AHR: variants seen among roughly 807,000 people sequenced by gnomAD.
AHR encodes the protein aryl hydrocarbon receptor.
AHR carries 40 observed loss-of-function variants against 86.8 expected under a neutral mutation model. The ratio of observed to expected loss-of-function variants is 0.46; its 90% CI spans 0.36 to 0.60. AHR has a LOEUF of 0.60. Among genes scored for constraint, AHR ranks in the 20% least tolerant of loss-of-function variants. The pLI is 0.00. For missense variants in AHR, 1,001 were observed against 1,011.6 expected, an observed-to-expected ratio of 0.99 and a Z score of 0.14; for synonymous variants, 398 against 354.9, an observed-to-expected ratio of 1.12 and a Z score of -1.37.
intron 2 of AHR, among the ~76,000 whole-genome samples, chr7:17,311,005 T>A (rs1305961237): frequency 6.6e-6 from 1 of 152,170 alleles, no homozygotes; most frequent in Non-Finnish European, 1.5e-5. Flanking sequence ...CATCCCCGTA[T>A]CTCAGTTTTC....
At chr7:17,300,198 A>G (rs921041582) in intron 1 of AHR, among the ~76,000 whole-genome samples, 3 of 152,064 alleles carry the variant, frequency 2.0e-5, no homozygotes, top group African/African-American at 4.8e-5. Flanking sequence ...GAGATGGCCA[A>G]TTTTTTGTGT....
rs1782327699 is a variant in AHR at position 17,333,917 on chromosome 7, G to A, written c.711G>A (p.Met237Ile). 1.2e-6 allele frequency: 2 copies of A among 1,612,164 alleles called. No individual in the cohort carries two copies. Among genetic ancestry groups the A allele is most frequent in the African/African-American group, 1.3e-5 (1 of 74,966 alleles). Residue 237 changes from methionine to isoleucine, a missense_variant, in exon 7 of 11, where the codon ATG becomes ATA. Met to Ile is a conservative substitution (Grantham distance 10). This residue lies in a region of AHR where 394 missense variants were observed against 468.5 expected (regional missense o/e 0.84). Transcript: ENST00000242057. ...GTTGTTGTTGCTTTTTTAAGGCAAT[G>A]AATTTCCAAGGGAAGTTAAAGTATC... Reference protein sequence around the residue: ...LLDNSSGFLAMNFQGKLKYLH... With the variant: ...LLDNSSGFLAINFQGKLKYLH...
intron 1 of AHR, among the ~76,000 whole-genome samples, chr7:17,307,139 G>A (rs1281274833): frequency 2.6e-5 from 4 of 152,062 alleles, no homozygotes; most frequent in African/African-American, 9.7e-5. Context: ...GCCAGCACAA[G>A]ACAGGCAGCA....
In AHR at chr7:17,339,993, G is replaced by A; in HGVS notation, c.2168G>A (p.Ser723Asn). 1 of 1,614,176 alleles carries A rather than the reference G, an allele frequency of 6.2e-7. No individual in the cohort carries two copies. Among genetic ancestry groups the A allele is most frequent in the South Asian group, 1.1e-5 (1 of 91,082 alleles). ...ACAGAGCTGGACTACCCTATGGGGA[G>A]TTTTGAACCATCCCCATACCCCACT... ...KCTELDYPMG[S>N]FEPSPYPTTS... Residue 723 changes from serine to asparagine, a missense_variant, in exon 10 of 11, where the codon AGT becomes AAT. Around this residue, in one of 2 missense-constraint regions of AHR, gnomAD observed 607 missense variants for 543.1 expected, o/e 1.12. Transcript: ENST00000242057.
chr7:17,317,833 C>G (rs1000673807), intron 2 of AHR, among the ~76,000 whole-genome samples: 3 of 152,076 alleles, frequency 2.0e-5, no homozygotes, highest in Admixed American at 6.6e-5. Context: ...AAATACTACT[C>G]TTGTATATAT....
At chr7:17,337,052 T>C (rs1562481714) in intron 9 of AHR, among the ~76,000 whole-genome samples, 1 of 152,150 alleles carries the variant, frequency 6.6e-6, no homozygotes, top group Non-Finnish European at 1.5e-5. Flanking sequence ...CTTATTTTTA[T>C]TATTTAATTG....
intron 2 of AHR, among the ~76,000 whole-genome samples, chr7:17,314,551 A>G (rs1011132113): frequency 1.3e-5 from 2 of 152,020 alleles, no homozygotes; most frequent in African/African-American, 4.8e-5. Flanking sequence ...AGGTTTTCCA[A>G]AGAGAGCTAT....
Position 17,339,813 on chromosome 7 carries a change from A to C in AHR, c.1988A>C (p.Asn663Thr), listed in dbSNP as rs114489761. 2.5e-6 allele frequency: 4 copies of C among 1,614,204 alleles called. No individual in the cohort carries two copies. Among genetic ancestry groups the C allele is most frequent in the Non-Finnish European group, 3.4e-6 (4 of 1,180,034 alleles). Reference sequence around the variant, plus strand: ...AACTCTAACCAATTCGTGCCTTTCAATTGTCCACAGCAAGACCCACAACAA... The same window carrying C: ...AACTCTAACCAATTCGTGCCTTTCACTTGTCCACAGCAAGACCCACAACAA... ...NWNSNQFVPF[N>T]CPQQDPQQYN... Residue 663 changes from asparagine to threonine, a missense_variant, in exon 10 of 11, where the codon AAT (asparagine) becomes ACT (threonine). Asn to Thr is a moderately conservative substitution (Grantham distance 65, BLOSUM62 0). Around this residue, in one of 2 missense-constraint regions of AHR, gnomAD observed 607 missense variants for 543.1 expected, o/e 1.12. Transcript: ENST00000242057.
intron 9 of AHR, among the ~76,000 whole-genome samples, chr7:17,336,903 G>C (rs1197823613): frequency 2.6e-5 from 4 of 151,634 alleles, no homozygotes; most frequent in African/African-American, 9.7e-5. Context: ...TTTTAATTAT[G>C]TCTGCTCATT....
Position 17,335,642 on chromosome 7 carries a change from T to C in AHR, c.1019-3T>C. ...ATAATTTAATTTTTTAATTTTATTT[T>C]AGTGATTAAGACTGGAGAAAGTGGC... On this transcript the variant is annotated splice_region_variant and splice_polypyrimidine_tract_variant and intron_variant, in intron 8 of 10. Transcript: ENST00000242057. 1.9e-6 allele frequency: 3 copies of C among 1,542,234 alleles called. No homozygotes were observed. Among genetic ancestry groups the C allele is most frequent in the Non-Finnish European group, 2.6e-6 (3 of 1,144,350 alleles).
intron 1 of AHR, 93 bp downstream of exon 1, chr7:17,299,422 A>G: frequency 7.1e-7 from 1 of 1,404,146 alleles, no homozygotes; most frequent in Non-Finnish European, 9.8e-7. Context: ...AATCCCTGCG[A>G]TCCTGGGATT....
intron 9 of AHR, chr7:17,336,083 A>C: frequency 4.3e-6 from 1 of 232,080 alleles, no homozygotes; most frequent in Non-Finnish European, 8.2e-6. Flanking sequence ...AAATATAACA[A>C]TGCTTTATTT....
chr7:17,300,361 G>A (rs921354572), intron 1 of AHR, among the ~76,000 whole-genome samples: 6 of 152,116 alleles, frequency 3.9e-5, no homozygotes, highest in African/African-American at 1.4e-4. Context: ...ACTCTTAAAC[G>A]TCTTCTCAGA....
chr7:17,336,309 T>G (rs371760366), intron 9 of AHR, among the ~76,000 whole-genome samples: 1 of 152,126 alleles, frequency 6.6e-6, no homozygotes, highest in East Asian at 1.9e-4. Flanking sequence ...AGAAGGTCAT[T>G]GTTTCCCGGC....
At chr7:17,327,605 C>CT (rs1322117836) in intron 3 of AHR, among the ~76,000 whole-genome samples, 154 bp from the exon 4 acceptor site, 1 of 151,850 alleles carries the variant, frequency 6.6e-6, no homozygotes, top group Non-Finnish European at 1.5e-5. Context: ...ATAGATATTT[C>CT]TTAGTCCAGG....
At chr7:17,303,818 C>T (rs1781978757) in intron 1 of AHR, among the ~76,000 whole-genome samples, 1 of 152,066 alleles carries the variant, frequency 6.6e-6, no homozygotes, top group Non-Finnish European at 1.5e-5. Flanking sequence ...CCAAATCGTA[C>T]ACTCCAAGAG....
chr7:17,330,922 A>G lies in AHR; in HGVS notation c.705+36A>G, dbSNP rs201128760. ...AAATTTTATGATACTGGCTTTTACT[A>G]TTGTTACAATAAAAGCTTGAGGCAA... On this transcript the variant is annotated intron_variant, in intron 6 of 10. Coordinates refer to ENST00000242057, the MANE Select transcript of AHR (RefSeq NM_001621.5). 796 of 1,596,414 alleles carry G rather than the reference A, an allele frequency of 5.0e-4. 1 individual carries two copies. The highest frequency in any genetic ancestry group is 7.2e-4 in the Admixed American group (41 of 57,276).
intron 2 of AHR, among the ~76,000 whole-genome samples, chr7:17,315,124 C>T (rs1782102529): frequency 6.6e-6 from 1 of 151,770 alleles, no homozygotes; most frequent in African/African-American, 2.4e-5. Context: ...TTTATGGAAC[C>T]CCTGCAGATT....
intron 2 of AHR, among the ~76,000 whole-genome samples, chr7:17,318,678 C>A (rs1417838443): frequency 6.6e-6 from 1 of 152,060 alleles, no homozygotes; most frequent in Admixed American, 6.6e-5. Context: ...TTTCTGTGGA[C>A]TGTCATAAAT....
Sources: gnomAD v4.1 joint callset for allele counts (sites outside exome capture counted in the v4.1 genomes callset) on GRCh38, gnomAD v4.1.1 for gene constraint, gnomAD v4.1.1 regional missense constraint, MANE v1.5 for transcripts, NCBI Gene and HGNC (gene_info 2026-07-23, HGNC 2026-07-21) for gene names.